Variants in FGF14 observed in about 807,000 individuals in gnomAD.
The protein encoded by FGF14 is fibroblast growth factor homologous factor 4.
In FGF14, 5 loss-of-function variants were observed where a neutral mutation model predicts 25.5. The observed-to-expected ratio is 0.20, with a 90% CI of 0.10 to 0.41. FGF14 has a LOEUF of 0.41. FGF14 is among the 10% of genes least tolerant of loss of function. The pLI is 1.00. For missense variants in FGF14, 222 were observed against 320.1 expected (o/e 0.69, Z 2.34); for synonymous variants, 138 against 118.3 (o/e 1.17, Z -1.08).
At chr13:102,126,946 T>G (rs1179038819) in intron 1 of FGF14, among the ~76,000 whole-genome samples, 1 of 152,122 alleles carries the variant, frequency 6.6e-6, no homozygotes, top group Non-Finnish European at 1.5e-5. Flanking sequence ...ATTTTACAGG[T>G]AGAATCAGGG....
At chr13:102,091,606 C>T (rs1055350441) in intron 1 of FGF14, among the ~76,000 whole-genome samples, 2 of 152,154 alleles carry the variant, frequency 1.3e-5, no homozygotes, top group Non-Finnish European at 2.9e-5. Context: ...TGGATTCCAG[C>T]TTCATGAGTC....
chr13:101,963,449 A>G (rs1053455685), intron 1 of FGF14, among the ~76,000 whole-genome samples: 3 of 152,060 alleles, frequency 2.0e-5, no homozygotes, highest in Non-Finnish European at 4.4e-5. Flanking sequence ...TGGGGCACTC[A>G]TTCACCCTTT....
At chr13:102,244,733 A>C (rs1594559872) in intron 1 of FGF14, among the ~76,000 whole-genome samples, 1 of 152,148 alleles carries the variant, frequency 6.6e-6, no homozygotes, top group East Asian at 1.9e-4. Context: ...ATGCCAGTGA[A>C]ATGTGCCTGA....
At chr13:102,390,298 C>T (rs1433672279) in intron 1 of FGF14, among the ~76,000 whole-genome samples, 2 of 152,268 alleles carry the variant, frequency 1.3e-5, no homozygotes, top group South Asian at 4.1e-4. Context: ...TGTTAGAATA[C>T]ATCAAGCTAT....
chr13:102,206,264 C>G (rs2049919332), intron 1 of FGF14, among the ~76,000 whole-genome samples: 2 of 152,020 alleles, frequency 1.3e-5, no homozygotes, highest in South Asian at 4.1e-4. Context: ...CTGTGAAGCT[C>G]CCACATCCTC....
intron 1 of FGF14, among the ~76,000 whole-genome samples, chr13:102,165,118 C>T (rs1457300993): frequency 2.6e-5 from 4 of 151,986 alleles, no homozygotes; most frequent in Non-Finnish European, 4.4e-5. Context: ...CAATGAGATA[C>T]CATCTCACAC....
chr13:102,095,929 C>T (rs1018900936), intron 1 of FGF14, among the ~76,000 whole-genome samples: 8 of 151,362 alleles, frequency 5.3e-5, no homozygotes, highest in African/African-American at 1.9e-4. Flanking sequence ...GTCAGCACCC[C>T]AAACCTTCAT....
intron 3 of FGF14, among the ~76,000 whole-genome samples, chr13:101,790,381 A>G (rs1454570466): frequency 6.6e-6 from 1 of 150,518 alleles, no homozygotes; most frequent in Non-Finnish European, 1.5e-5. Context: ...GGATTGGGGT[A>G]GATTTACTAG....
intron 1 of FGF14, among the ~76,000 whole-genome samples, chr13:101,924,405 C>T (rs2034222201): frequency 6.6e-6 from 1 of 152,106 alleles, no homozygotes; most frequent in Non-Finnish European, 1.5e-5. Flanking sequence ...AAACACACAA[C>T]TAAATTTCTG....
At chr13:102,299,884 T>A (rs2054936781) in intron 1 of FGF14, 1 of 152,058 alleles carries the variant, frequency 6.6e-6, no homozygotes, top group Admixed American at 6.6e-5. Flanking sequence ...AAAACAAATA[T>A]GAGAGAAAAA....
intron 3 of FGF14, among the ~76,000 whole-genome samples, chr13:101,770,088 T>A (rs2038667511): frequency 6.6e-6 from 1 of 151,926 alleles, no homozygotes; most frequent in South Asian, 2.1e-4. Context: ...TGTGCCTTCA[T>A]CTCACTTTTT....
At chr13:101,943,251 C>T (rs956612047) in intron 1 of FGF14, among the ~76,000 whole-genome samples, 4 of 152,170 alleles carry the variant, frequency 2.6e-5, no homozygotes, top group African/African-American at 9.7e-5. Context: ...CAGTATAATA[C>T]TCTCCTGTTT....
At chr13:102,329,914 C>T (rs946753634) in intron 1 of FGF14, among the ~76,000 whole-genome samples, 1 of 152,084 alleles carries the variant, frequency 6.6e-6, no homozygotes, top group African/African-American at 2.4e-5. Context: ...TCTGGCAAAA[C>T]TCTGATCACA....
chr13:101,889,073 C>A (rs2046136577), intron 1 of FGF14, among the ~76,000 whole-genome samples: 2 of 152,118 alleles, frequency 1.3e-5, no homozygotes, highest in Admixed American at 6.5e-5. Flanking sequence ...ACAGCATCTA[C>A]AAGCCAAGGA....
chr13:102,081,351 ACT>A (rs1351393362), intron 1 of FGF14, among the ~76,000 whole-genome samples: 3 of 152,138 alleles, frequency 2.0e-5, no homozygotes, highest in Non-Finnish European at 4.4e-5. Context: ...AAGGAATAAC[ACT>A]CTGATTACAG....
At chr13:101,758,952 T>G (rs755278531) in intron 3 of FGF14, among the ~76,000 whole-genome samples, 1 of 152,200 alleles carries the variant, frequency 6.6e-6, no homozygotes, top group South Asian at 2.1e-4. Context: ...GCTTCTTCCA[T>G]GAGAAAACAA....
intron 3 of FGF14, among the ~76,000 whole-genome samples, chr13:101,860,774 C>A (rs1431903994): frequency 1.3e-5 from 2 of 151,992 alleles, no homozygotes; most frequent in Non-Finnish European, 2.9e-5. Flanking sequence ...CATGTTGAAA[C>A]CACTTAATTG....
chr13:102,400,967 G>A lies in FGF14; in HGVS notation c.208+504C>T, dbSNP rs890036364. On this transcript the variant is annotated intron_variant, in intron 1 of 4. Coordinates refer to the FGF14 transcript ENST00000376131. This position sits in a 1 kb window ranked among gnomAD's most constrained non-coding sequence, Gnocchi z 4.3. ...GACGCGGGGGCTGACGGAGGAGCGGGGCCGCGAGGGAGGGGGCCTCTTTTA... is the reference window on the plus strand; with the variant it reads ...GACGCGGGGGCTGACGGAGGAGCGGAGCCGCGAGGGAGGGGGCCTCTTTTA... 2.0e-5 allele frequency among the ~76,000 whole-genome samples: 3 copies of A among 152,138 alleles called. No homozygotes were observed. Among genetic ancestry groups the A allele is most frequent in the African/African-American group, 7.2e-5 (3 of 41,438 alleles).
chr13:101,837,426 T>C (rs918098386), intron 3 of FGF14, among the ~76,000 whole-genome samples: 6 of 152,078 alleles, frequency 3.9e-5, no homozygotes, highest in African/African-American at 1.4e-4. Context: ...ATAAGGTTTG[T>C]TGTGAGAATA....
Sources: allele counts gnomAD v4.1 joint callset (sites outside exome capture counted in the v4.1 genomes callset), GRCh38; gene constraint gnomAD v4.1.1; non-coding constraint Gnocchi (gnomAD v3.1); transcripts MANE v1.5; gene names NCBI Gene and HGNC (gene_info 2026-07-23, HGNC 2026-07-21).